The following KIN variants were observed in gnomAD, a reference collection of about 807,000 sequenced individuals.
KIN encodes Kin17 DNA and RNA binding protein, also known as DNA/RNA-binding protein KIN17.
Under a neutral mutation model 63.0 loss-of-function variants are expected in KIN, and 47 were observed. The observed-to-expected ratio is 0.75, with a 90% CI of 0.59 to 0.95. KIN has a LOEUF of 0.95. Among genes scored for constraint, KIN ranks in the 40% least tolerant of loss-of-function variants. The pLI, the probability that KIN is intolerant of heterozygous loss-of-function variation, is 0.00. For missense variants in KIN, 408 were observed against 460.9 expected, an observed-to-expected ratio of 0.89 and a Z score of 1.05; for synonymous variants, 160 against 157.7, an observed-to-expected ratio of 1.01 and a Z score of -0.11.
At chr10:7,757,521 AAAATT>A (rs1034935678) in intron 12 of KIN, among the ~76,000 whole-genome samples, 2 of 151,744 alleles carry the variant, frequency 1.3e-5, no homozygotes, top group Admixed American at 6.6e-5. Context: ...AAAATAAAAT[AAAATT>A]AAATTAAATA....
At chr10:7,785,300 A>C (rs1214400098) in intron 1 of KIN, among the ~76,000 whole-genome samples, 2 of 152,054 alleles carry the variant, frequency 1.3e-5, no homozygotes. Context: ...TTTAACCTGA[A>C]ATTAATCTAT....
Position 7,759,991 on chromosome 10 carries a change from C to T in KIN, c.1019-1G>A. The T allele has an allele frequency of 7.3e-7, 1 of 1,371,822 alleles. No homozygotes were observed. Among genetic ancestry groups the T allele is most frequent in the East Asian group, 2.5e-5 (1 of 40,770 alleles). The allele number at this position is 1,371,822 out of a possible 1,614,324, so 85.0% of individuals were successfully genotyped here. A position where few individuals can be genotyped will look rare whatever the true frequency, so the allele number is the denominator to read the frequency against. On this transcript the variant is annotated splice_acceptor_variant, in intron 11 of 12. Coordinates refer to ENST00000379562, the MANE Select transcript of KIN (RefSeq NM_012311.4). LOFTEE classifies it high-confidence loss of function. The stretch of plus-strand genomic sequence containing the variant: ...CCATTTAAAACTAGAATTCTTTTTC[C>T]TATGATGGAAAAGAATATAAAAATT...
chr10:7,772,729 G>A (rs1453340818), intron 7 of KIN, among the ~76,000 whole-genome samples: 1 of 152,066 alleles, frequency 6.6e-6, no homozygotes, highest in African/African-American at 2.4e-5. Flanking sequence ...ATGGACTCGG[G>A]TCACAACATA....
At position 7,756,003 on chromosome 10, in the gene KIN, G is replaced by A; in HGVS notation, c.*77C>T. The A allele has an allele frequency of 1.2e-6, 1 of 809,368 alleles. No individual in the cohort carries two copies. Among genetic ancestry groups the A allele is most frequent in the Non-Finnish European group, 2.1e-6 (1 of 482,186 alleles). 50.1% of individuals were successfully genotyped at this position (809,368 alleles called of 1,614,324 possible). A position where few individuals can be genotyped will look rare whatever the true frequency, so the allele number is the denominator to read the frequency against. Reference sequence around the variant, plus strand: ...ATACAAAAGAATATACCCTAACACAGTAGAGTCTCATAATGCCTTGGCGAA... The same window carrying A: ...ATACAAAAGAATATACCCTAACACAATAGAGTCTCATAATGCCTTGGCGAA... On this transcript the variant is annotated 3_prime_UTR_variant, in exon 13 of 13. Transcript: ENST00000379562.
chr10:7,770,771 AT>A (rs1462838656), intron 7 of KIN, among the ~76,000 whole-genome samples: 7 of 152,358 alleles, frequency 4.6e-5, no homozygotes, highest in East Asian at 3.9e-4. Context: ...CAAGAAAAAA[AT>A]ATATGATTAG....
chr10:7,779,054 C>A (rs1245895494), intron 4 of KIN, 35 bp from the exon 5 acceptor site: 1 of 1,586,862 alleles, frequency 6.3e-7, no homozygotes, highest in Non-Finnish European at 8.6e-7. Flanking sequence ...AATTAGCATA[C>A]AATCAAAGCA....
chr10:7,768,100 T>A (rs1771598806), intron 8 of KIN, among the ~76,000 whole-genome samples: 1 of 152,134 alleles, frequency 6.6e-6, no homozygotes, highest in Non-Finnish European at 1.5e-5. Flanking sequence ...ATTAAGAACC[T>A]CCTGCAGCAT....
chr10:7,756,094 A>G lies in KIN; in HGVS notation c.1168T>C (p.Ser390Pro), dbSNP rs1381745225. The part of the protein sequence containing the change: ...RVEGIQYEDI[S>P]KLA ...AATTTTCAAACTCAGGCAAGTTTAG[A>G]AATGTCTTCATATTGAATTCCTTCA... is the stretch of plus-strand genomic sequence containing the variant. Residue 390 changes from serine (S) to proline (P), a missense_variant, in exon 13 of 13, where the codon TCT (serine) becomes CCT (proline). By Grantham distance (74) the Ser-to-Pro change is moderately conservative (BLOSUM62 -1). This residue lies in a region of KIN where 298 missense variants were observed against 296.0 expected (regional missense o/e 1.01). Coordinates refer to ENST00000379562, the MANE Select transcript of KIN (RefSeq NM_012311.4). 3.8e-6 allele frequency: 6 copies of G among 1,586,336 alleles called. No individual in the cohort carries two copies. Among genetic ancestry groups the G allele is most frequent in the Non-Finnish European group, 5.1e-6 (6 of 1,165,662 alleles).
At chr10:7,772,746 T>C (rs750777756) in intron 7 of KIN, among the ~76,000 whole-genome samples, 1 of 152,150 alleles carries the variant, frequency 6.6e-6, no homozygotes, top group Non-Finnish European at 1.5e-5. Context: ...CATATTAACA[T>C]AGATAACTTA....
chr10:7,771,852 G>A (rs1835671664), intron 7 of KIN, among the ~76,000 whole-genome samples: 1 of 148,768 alleles, frequency 6.7e-6, no homozygotes, highest in African/African-American at 2.5e-5. Flanking sequence ...CCGAGGTCAT[G>A]CCACTGCGCT....
chr10:7,774,402 C>T (rs969887464), intron 7 of KIN, among the ~76,000 whole-genome samples: 4 of 151,964 alleles, frequency 2.6e-5, no homozygotes, highest in African/African-American at 4.8e-5. Context: ...TTTTATATAG[C>T]GAATAAGGAA....
chr10:7,771,645 C>A (rs1564319782), intron 7 of KIN, among the ~76,000 whole-genome samples: 2 of 152,140 alleles, frequency 1.3e-5, no homozygotes, highest in African/African-American at 4.8e-5. Flanking sequence ...GAAATCCCGG[C>A]ACTTTGGGAG....
chr10:7,787,912 T>C lies in KIN; in HGVS notation c.22A>G (p.Thr8Ala). The part of the protein sequence containing the change: MGKSDFL[T>A]PKAIANRIKS... Reference sequence around the variant, plus strand: ...ATCCTGTTGGCGATAGCCTTGGGAGTAAGAAAATCCGACTTCCCCATGGCG... The same window carrying C: ...ATCCTGTTGGCGATAGCCTTGGGAGCAAGAAAATCCGACTTCCCCATGGCG... Residue 8 changes from threonine to alanine, a missense_variant, in exon 1 of 13, where the codon ACT (threonine) becomes GCT (alanine). By Grantham distance (58) the Thr-to-Ala change is moderately conservative. Coordinates refer to ENST00000379562, the MANE Select transcript of KIN (RefSeq NM_012311.4). The C allele has an allele frequency of 6.2e-7, 1 of 1,613,742 alleles. No individual in the cohort carries two copies. The highest frequency in any genetic ancestry group is 8.5e-7 in the Non-Finnish European group (1 of 1,179,714).
intron 5 of KIN, among the ~76,000 whole-genome samples, chr10:7,776,260 G>C (rs1276785152): frequency 6.7e-6 from 1 of 149,282 alleles, no homozygotes; most frequent in African/African-American, 2.5e-5. Flanking sequence ...ACATATTTTG[G>C]CCCAGTATGG....
chr10:7,763,679 C>T, intron 10 of KIN, 44 bp downstream of exon 10: 2 of 1,086,202 alleles, frequency 1.8e-6, no homozygotes, highest in Non-Finnish European at 2.8e-6. Context: ...ACTCAGTGAC[C>T]CAAGCTTTTT....
chr10:7,766,834 G>A (rs771159127), intron 8 of KIN, among the ~76,000 whole-genome samples: 1 of 151,844 alleles, frequency 6.6e-6, no homozygotes, highest in African/African-American at 2.4e-5. Flanking sequence ...CTAGCCTGGC[G>A]AACACAGTGA....
In KIN at chr10:7,778,852, C is replaced by T. The variant is rs1436784981; in HGVS notation, c.544G>A (p.Glu182Lys). Residue 182 changes from glutamate (E) to lysine (K), a missense_variant, in exon 5 of 13, where the codon GAA (glutamate) becomes AAA (lysine). Physicochemically the swap from Glu to Lys is moderately conservative, Grantham distance 56. Around this residue, in one of 2 missense-constraint regions of KIN, gnomAD observed 298 missense variants for 296.0 expected, o/e 1.01. Transcript: ENST00000379562. ...TGCTTACCCACCTGTTCCTTCCCTT[C>T]CAGGCCTCTTCTCACTTGCTCTTCA... The part of the protein sequence containing the change: ...FIEEQVRRGL[E>K]GKEQEVPTFT... 5 of 1,613,952 alleles carry T rather than the reference C, an allele frequency of 3.1e-6. No homozygotes were observed. The South Asian group carries it at 4.4e-5, about 14-fold the overall frequency.
intron 1 of KIN, among the ~76,000 whole-genome samples, chr10:7,786,424 C>T (rs1322551037): frequency 6.6e-6 from 1 of 152,052 alleles, no homozygotes; most frequent in Non-Finnish European, 1.5e-5. Flanking sequence ...GGCAAAATTA[C>T]TTAAAGTGTT....
At position 7,777,902 on chromosome 10, in the gene KIN, C is replaced by A. The variant is rs1024759407; in HGVS notation, c.558+936G>T. On this transcript the variant is annotated intron_variant, in intron 5 of 12. Transcript: ENST00000379562. ...CGACAGAGTGAGACTCCGTCCCCCC[C>A]CCAAAAAAAAAAAAAATGTAAGCCA... is the stretch of plus-strand genomic sequence containing the variant. Among the ~76,000 whole-genome samples, 51 of 123,518 alleles carry A rather than the reference C, an allele frequency of 4.1e-4. 1 individual carries two copies. The highest frequency in any genetic ancestry group is 8.0e-4 in the African/African-American group (26 of 32,400). The allele number at this position is 123,518 out of a possible 152,430, so 81.0% of individuals were successfully genotyped here. A position where few individuals can be genotyped will look rare whatever the true frequency, so the allele number is the denominator to read the frequency against.
Sources: gnomAD v4.1 joint callset for allele counts (sites outside exome capture counted in the v4.1 genomes callset) on GRCh38, gnomAD v4.1.1 for gene constraint, gnomAD v4.1.1 regional missense constraint, MANE v1.5 for transcripts, NCBI Gene and HGNC (gene_info 2026-07-23, HGNC 2026-07-21) for gene names.